Variants in LRRC7 observed in about 807,000 individuals in gnomAD.
LRRC7 encodes the protein leucine rich repeat containing 7.
In LRRC7, 23 loss-of-function variants were observed where a neutral mutation model predicts 175.7. That is an observed-to-expected ratio of 0.13 (90% confidence interval 0.09 to 0.19). The LOEUF (loss-of-function observed/expected upper bound fraction) is 0.19, where lower values mean the gene tolerates loss of function less well. Ranked by LOEUF, LRRC7 falls within the 10% of genes least tolerant of loss-of-function variation. The pLI is 1.00. For synonymous variants in LRRC7, 685 were observed against 680.9 expected (o/e 1.01, Z -0.09); for missense variants, 1,354 against 1,904.7 (o/e 0.71, Z 5.38).
chr1:69,795,682 A>T (rs906186068), intron 4 of LRRC7, among the ~76,000 whole-genome samples: 6 of 152,032 alleles, frequency 3.9e-5, no homozygotes, highest in Admixed American at 1.3e-4. Flanking sequence ...TAGATGAGTG[A>T]CCCCTTAAAG....
chr1:69,769,385 A>C (rs1366275050), intron 3 of LRRC7, among the ~76,000 whole-genome samples: 1 of 152,184 alleles, frequency 6.6e-6, no homozygotes, highest in East Asian at 1.9e-4. Context: ...AAAATCTGAA[A>C]TCTGAAATGC....
At chr1:70,118,009 C>G (rs893035539) in intron 26 of LRRC7, among the ~76,000 whole-genome samples, 1 of 151,906 alleles carries the variant, frequency 6.6e-6, no homozygotes. Context: ...GGTTTATACC[C>G]TGCAATGAAC....
At chr1:69,835,496 A>G (rs1467818106) in intron 6 of LRRC7, among the ~76,000 whole-genome samples, 2 of 152,030 alleles carry the variant, frequency 1.3e-5, no homozygotes, top group Non-Finnish European at 2.9e-5. Context: ...AATACAAGTT[A>G]AAACAATAAA....
intron 11 of LRRC7, among the ~76,000 whole-genome samples, chr1:70,006,480 A>G (rs1656005711): frequency 6.6e-6 from 1 of 152,026 alleles, no homozygotes; most frequent in African/African-American, 2.4e-5. Flanking sequence ...TCAAAAAAAA[A>G]AAAAAAGAAA....
intron 7 of LRRC7, among the ~76,000 whole-genome samples, chr1:69,929,200 C>T (rs943380996): frequency 6.6e-6 from 1 of 152,170 alleles, no homozygotes; most frequent in Admixed American, 6.5e-5. Context: ...TTGACCTAGG[C>T]AATAATGAAT....
chr1:70,097,159 GC>G (rs2102186697), intron 25 of LRRC7, among the ~76,000 whole-genome samples: 1 of 151,958 alleles, frequency 6.6e-6, no homozygotes, highest in East Asian at 1.9e-4. Context: ...CTTTCATTCT[GC>G]TCTACACCAC....
At chr1:70,050,989 T>C (rs1166039481) in intron 22 of LRRC7, among the ~76,000 whole-genome samples, 1 of 152,052 alleles carries the variant, frequency 6.6e-6, no homozygotes, top group Non-Finnish European at 1.5e-5. Flanking sequence ...TCTGCATGTT[T>C]ATGTTCCTTT....
At chr1:70,109,954 A>G (rs1413856347) in intron 26 of LRRC7, among the ~76,000 whole-genome samples, 1 of 152,230 alleles carries the variant, frequency 6.6e-6, no homozygotes, top group Non-Finnish European at 1.5e-5. Flanking sequence ...CTATAGCTTG[A>G]CACAACGTTG....
intron 4 of LRRC7, among the ~76,000 whole-genome samples, chr1:69,815,259 T>C (rs967585591): frequency 6.6e-6 from 1 of 152,172 alleles, no homozygotes; most frequent in Non-Finnish European, 1.5e-5. Context: ...ACAGAAGATC[T>C]TTGGAAAACG....
chr1:69,932,774 A>G (rs977571147), intron 8 of LRRC7, among the ~76,000 whole-genome samples: 1 of 152,172 alleles, frequency 6.6e-6, no homozygotes, highest in South Asian at 2.1e-4. Context: ...GAATTTGGGT[A>G]TGTGCAGAGG....
intron 2 of LRRC7, among the ~76,000 whole-genome samples, chr1:69,730,623 A>G (rs1028238163): frequency 6.6e-6 from 1 of 152,120 alleles, no homozygotes; most frequent in African/African-American, 2.4e-5. Context: ...AAACTTTTCC[A>G]CATCTTCCTT....
At chr1:69,935,977 G>C (rs958183441) in intron 8 of LRRC7, among the ~76,000 whole-genome samples, 1 of 152,010 alleles carries the variant, frequency 6.6e-6, no homozygotes, top group Non-Finnish European at 1.5e-5. Context: ...TCTGTGGGGG[G>C]CTTAATTATT....
intron 2 of LRRC7, among the ~76,000 whole-genome samples, chr1:69,691,410 A>T (rs1362688131): frequency 6.6e-6 from 1 of 152,096 alleles, no homozygotes; most frequent in Non-Finnish European, 1.5e-5. Flanking sequence ...GACGCATCCT[A>T]TTTATCTGTC....
intron 25 of LRRC7, among the ~76,000 whole-genome samples, chr1:70,092,069 C>T (rs1664069907): frequency 6.6e-6 from 1 of 152,072 alleles, no homozygotes; most frequent in Non-Finnish European, 1.5e-5. Flanking sequence ...TCAGTCCACT[C>T]ACAAGGAAAG....
rs1233878284 is a variant in LRRC7, at chr1:69,781,691, GA to G, written c.304-10349del. Among the ~76,000 whole-genome samples, 211 of 24,892 alleles carry G rather than the reference GA, an allele frequency of 8.5e-3. 1 individual carries two copies. Among genetic ancestry groups the G allele is most frequent in the African/African-American group, 0.042 (200 of 4,744 alleles). The allele number at this position is 24,892 out of a possible 152,430, so 16.3% of individuals were successfully genotyped here. A position where few individuals can be genotyped will look rare whatever the true frequency, so the allele number is the denominator to read the frequency against. On this transcript the variant is annotated intron_variant, in intron 3 of 26. Coordinates refer to ENST00000651989, the MANE Select transcript of LRRC7 (RefSeq NM_001370785.2). ...AGCAAGACTGTCTCAAAAAAAAGAA[GA>G]AAGAAAGAAAGAAAGAAAGAAAGAA...
chr1:69,713,538 A>T (rs1665021185), intron 2 of LRRC7, among the ~76,000 whole-genome samples: 1 of 151,960 alleles, frequency 6.6e-6, no homozygotes, highest in African/African-American at 2.4e-5. Flanking sequence ...TTTTTTAACT[A>T]TGAGATGTTA....
intron 8 of LRRC7, among the ~76,000 whole-genome samples, chr1:69,938,762 A>G (rs1348830122): frequency 2.6e-5 from 4 of 151,940 alleles, no homozygotes; most frequent in East Asian, 1.9e-4. Flanking sequence ...GGCAAGCACT[A>G]TATTTACATA....
intron 14 of LRRC7, among the ~76,000 whole-genome samples, chr1:70,018,441 AT>A (rs1291480489): frequency 6.6e-6 from 1 of 152,036 alleles, no homozygotes; most frequent in African/African-American, 2.4e-5. Flanking sequence ...AATTTAACAC[AT>A]TTTGAACTGT....
chr1:69,570,742 C>T (rs1454162318), intron 1 of LRRC7, among the ~76,000 whole-genome samples: 1 of 152,024 alleles, frequency 6.6e-6, no homozygotes, highest in Admixed American at 6.6e-5. Context: ...TTTTAGAAAT[C>T]ATTGATTGCA....
Sources: allele counts gnomAD v4.1 joint callset (sites outside exome capture counted in the v4.1 genomes callset), GRCh38; gene constraint gnomAD v4.1.1; transcripts MANE v1.5; gene names NCBI Gene and HGNC (gene_info 2026-07-23, HGNC 2026-07-21).